The following LRP1B variants were observed in gnomAD, a reference collection of about 807,000 sequenced individuals.
LRP1B encodes the protein LDL receptor related protein 1B.
Under a neutral mutation model 556.6 loss-of-function variants are expected in LRP1B, and 217 were observed. That is an observed-to-expected ratio of 0.39 (90% CI 0.35 to 0.44). The LOEUF is 0.44. Among genes scored for constraint, LRP1B ranks in the 20% least tolerant of loss-of-function variants. LRP1B has a pLI of 1.00. For synonymous variants in LRP1B, 2,047 were observed against 1,865.8 expected (o/e 1.10, Z -2.50); for missense variants, 5,053 against 5,620.8 (o/e 0.90, Z 3.23).
intron 25 of LRP1B, among the ~76,000 whole-genome samples, chr2:140,869,093 C>A (rs567168436): frequency 3.3e-5 from 5 of 152,042 alleles, no homozygotes; most frequent in African/African-American, 9.7e-5. Context: ...TGAATGATTC[C>A]TTTTCCAAGC....
intron 1 of LRP1B, among the ~76,000 whole-genome samples, chr2:141,815,264 C>CG (rs1330836240): frequency 6.6e-6 from 1 of 152,146 alleles, no homozygotes; most frequent in Non-Finnish European, 1.5e-5. Context: ...TTAACATAGT[C>CG]TTAGTCGGTT....
At chr2:140,912,862 A>G (rs1694463785) in intron 21 of LRP1B, among the ~76,000 whole-genome samples, 1 of 151,908 alleles carries the variant, frequency 6.6e-6, no homozygotes, top group Non-Finnish European at 1.5e-5. Flanking sequence ...AAATTGATAC[A>G]ATCTCTTCTA....
rs1574075821 is a variant in LRP1B at position 140,556,204 on chromosome 2, C to T, written c.7195-14233G>A. On this transcript the variant is annotated intron_variant, in intron 43 of 90. Transcript: ENST00000389484. ...ACTCTGACCTTCTCTCTCCTTTCTCCCCTGAAACAAGCCATAAATGAATTA... is the reference window on the plus strand; with the variant it reads ...ACTCTGACCTTCTCTCTCCTTTCTCTCCTGAAACAAGCCATAAATGAATTA... Among the ~76,000 whole-genome samples, 3 of 151,980 alleles carry T rather than the reference C, an allele frequency of 2.0e-5. 1 individual carries two copies. The East Asian group carries it at 5.8e-4, about 29-fold the overall frequency.
chr2:140,780,850 T>C (rs1486324201), intron 32 of LRP1B, among the ~76,000 whole-genome samples: 2 of 152,174 alleles, frequency 1.3e-5, no homozygotes, highest in Non-Finnish European at 2.9e-5. Context: ...TCTTTCTTCC[T>C]TGACAACTAG....
At chr2:140,313,888 A>G (rs1161703977) in intron 83 of LRP1B, among the ~76,000 whole-genome samples, 1 of 151,926 alleles carries the variant, frequency 6.6e-6, no homozygotes, top group African/African-American at 2.4e-5. Context: ...TTTTTTCAGA[A>G]TGCTATTAAG....
intron 2 of LRP1B, among the ~76,000 whole-genome samples, chr2:141,774,734 C>A (rs1695003679): frequency 6.6e-6 from 1 of 152,146 alleles, no homozygotes; most frequent in Non-Finnish European, 1.5e-5. Context: ...ATTAGTCCAT[C>A]CAACCTCTGC....
chr2:141,606,926 G>A lies in LRP1B; in HGVS notation c.206-126393C>T, dbSNP rs535444376. ...ATTTTATTGGTGAGATTATGTCTGA[G>A]TTTTATGCCTTTACAGTTACGCTAT... On this transcript the variant is annotated intron_variant, in intron 2 of 90. Coordinates refer to ENST00000389484, the MANE Select transcript of LRP1B (RefSeq NM_018557.3). Among the ~76,000 whole-genome samples, 346 of 152,178 alleles carry A rather than the reference G, an allele frequency of 2.3e-3. 2 individuals are homozygous for A. The highest frequency in any genetic ancestry group is 6.5e-3 in the African/African-American group (269 of 41,518).
chr2:141,318,892 A>G (rs1687125103), intron 3 of LRP1B, among the ~76,000 whole-genome samples: 1 of 152,136 alleles, frequency 6.6e-6, no homozygotes, highest in Non-Finnish European at 1.5e-5. Context: ...ACTCATTTAA[A>G]AACTAGATCA....
intron 1 of LRP1B, among the ~76,000 whole-genome samples, chr2:141,861,536 G>A (rs780747516): frequency 2.6e-5 from 4 of 152,112 alleles, no homozygotes; most frequent in Non-Finnish European, 4.4e-5. Context: ...CCAACATGTA[G>A]GCACTCAAAA....
intron 16 of LRP1B, among the ~76,000 whole-genome samples, chr2:140,992,957 A>G (rs1387193268): frequency 6.6e-6 from 1 of 152,048 alleles, no homozygotes; most frequent in Admixed American, 6.6e-5. Context: ...CATTTATTAT[A>G]ATTTATGTGT....
At chr2:141,341,055 C>A (rs1321649839) in intron 3 of LRP1B, among the ~76,000 whole-genome samples, 1 of 152,078 alleles carries the variant, frequency 6.6e-6, no homozygotes, top group Non-Finnish European at 1.5e-5. Context: ...TACATCATGG[C>A]AAATATAGGA....
At chr2:141,159,185 A>G (rs1702139932) in intron 7 of LRP1B, among the ~76,000 whole-genome samples, 1 of 152,196 alleles carries the variant, frequency 6.6e-6, no homozygotes, top group Non-Finnish European at 1.5e-5. Context: ...CATATTTCTC[A>G]CATATCACCT....
At chr2:140,242,576 A>T (rs1463819515) in intron 87 of LRP1B, among the ~76,000 whole-genome samples, 1 of 151,122 alleles carries the variant, frequency 6.6e-6, no homozygotes, top group Admixed American at 6.6e-5. Flanking sequence ...ATAACAAATA[A>T]ATGGGTTCAT....
intron 2 of LRP1B, among the ~76,000 whole-genome samples, chr2:141,592,630 A>G (rs1001118669): frequency 5.3e-5 from 8 of 152,156 alleles, no homozygotes; most frequent in African/African-American, 1.7e-4. Flanking sequence ...ATATATCTAC[A>G]TATCTTGTGA....
In LRP1B at chr2:141,480,447, T is replaced by C. The variant is rs750213206; in HGVS notation, c.292A>G (p.Asn98Asp). 9 of 1,614,022 alleles carry C rather than the reference T, an allele frequency of 5.6e-6. No homozygotes were observed. Among genetic ancestry groups the C allele is most frequent in the Non-Finnish European group, 6.8e-6 (8 of 1,179,938 alleles). ...NKCVHLSQLC[N>D]GVLDCPDGYD... ...CCATCTGGGCAGTCCAAGACACCAT[T>C]GCACAGCTGGGATAAATGAACACAT... is the stretch of plus-strand genomic sequence containing the variant. The change falls in exon 3 of 91, where the codon AAT (asparagine) becomes GAT (aspartate). Residue 98 changes from asparagine (N) to aspartate (D), a missense_variant. Asn to Asp is a conservative substitution (Grantham distance 23). This residue lies in a region of LRP1B where 3,619 missense variants were observed against 3,931.9 expected (regional missense o/e 0.92). Transcript: ENST00000389484.
chr2:140,634,711 G>C (rs1461105080), intron 41 of LRP1B, among the ~76,000 whole-genome samples: 1 of 151,766 alleles, frequency 6.6e-6, no homozygotes, highest in Non-Finnish European at 1.5e-5. Flanking sequence ...CTTAGCATGA[G>C]AAAAAAAGAC....
chr2:141,133,290 C>CTTTTTTTTTTTT (rs3063810), intron 7 of LRP1B, among the ~76,000 whole-genome samples: 1 of 137,236 alleles, frequency 7.3e-6, no homozygotes, highest in Non-Finnish European at 1.6e-5. Context: ...TGTAACGTCT[C>CTTTTTTTTTTTT]TTTTTTTTTT....
chr2:141,838,790 G>T (rs546292668), intron 1 of LRP1B, among the ~76,000 whole-genome samples: 2 of 152,086 alleles, frequency 1.3e-5, no homozygotes, highest in South Asian at 4.1e-4. Context: ...ATATAAAAGA[G>T]AATTTTTAAA....
Position 140,335,800 on chromosome 2 carries a change from G to A in LRP1B, c.11931C>T (p.Asp3977=), listed in dbSNP as rs2105087087. ...EFKRPRDIAV[D]WVAGNIYWTD... Reference sequence around the variant, plus strand: ...TCCAGTAAATGTTTCCAGCCACCCAGTCAACTGCAATGTCCCTGGGCCTTT... The same window carrying A: ...TCCAGTAAATGTTTCCAGCCACCCAATCAACTGCAATGTCCCTGGGCCTTT... Residue 3977 remains aspartate (D), a synonymous_variant, in exon 78 of 91, where the codon GAC becomes GAT. Coordinates refer to ENST00000389484, the MANE Select transcript of LRP1B (RefSeq NM_018557.3). 1.9e-6 allele frequency: 3 copies of A among 1,612,504 alleles called. No individual in the cohort carries two copies. The highest frequency in any genetic ancestry group is 1.3e-5 in the African/African-American group (1 of 74,892).
Sources: allele counts gnomAD v4.1 joint callset (sites outside exome capture counted in the v4.1 genomes callset), GRCh38; gene constraint gnomAD v4.1.1; regional missense constraint gnomAD v4.1.1; transcripts MANE v1.5; gene names NCBI Gene and HGNC (gene_info 2026-07-23, HGNC 2026-07-21).